Variants in CDYL2 observed in about 807,000 individuals in gnomAD.
The protein encoded by CDYL2 is chromodomain Y-like protein 2.
A neutral mutation model predicts 49.4 loss-of-function variants in CDYL2; 23 were observed. The observed-to-expected ratio is 0.47, with a 90% CI of 0.34 to 0.66. The LOEUF is 0.66. CDYL2 is among the 30% of genes least tolerant of loss of function. The probability of loss-of-function intolerance (pLI) is 0.01; values close to 1 mark genes in which losing one functional copy is unlikely to be tolerated. For missense variants in CDYL2, 678 were observed against 656.4 expected, an observed-to-expected ratio of 1.03 and a Z score of -0.36; for synonymous variants, 360 against 268.8, an observed-to-expected ratio of 1.34 and a Z score of -3.32.
chr16:80,657,106 AACTTGTAG>A (rs1190838702), intron 2 of CDYL2, among the ~76,000 whole-genome samples: 2 of 152,208 alleles, frequency 1.3e-5, no homozygotes, highest in African/African-American at 4.8e-5. Flanking sequence ...AAAATACCAA[AACTTGTAG>A]ACAGCTCACG....
chr16:80,685,362 A>G (rs749089441), intron 1 of CDYL2, among the ~76,000 whole-genome samples: 1 of 152,162 alleles, frequency 6.6e-6, no homozygotes, highest in Non-Finnish European at 1.5e-5. Flanking sequence ...ATTTCCCATG[A>G]TGACGCTAGA....
At chr16:80,691,383 C>T (rs1910408424) in intron 1 of CDYL2, among the ~76,000 whole-genome samples, 1 of 152,188 alleles carries the variant, frequency 6.6e-6, no homozygotes, top group African/African-American at 2.4e-5. Flanking sequence ...CCAGAGAAGG[C>T]AGTAGGTTTT....
At chr16:80,730,672 C>T (rs57512477) in intron 1 of CDYL2, among the ~76,000 whole-genome samples, 63,865 of 151,960 alleles carry the variant, frequency 0.42, 16,122 homozygotes, top group Middle Eastern at 0.6. Flanking sequence ...TAGACCAATA[C>T]CCTTGATGAA....
At chr16:80,691,450 G>A (rs964934057) in intron 1 of CDYL2, among the ~76,000 whole-genome samples, 1 of 152,150 alleles carries the variant, frequency 6.6e-6, no homozygotes, top group Non-Finnish European at 1.5e-5. Flanking sequence ...CAAGAAGTTT[G>A]GCTCAGAGCC....
chr16:80,639,276 T>C (rs1435576540), intron 2 of CDYL2, among the ~76,000 whole-genome samples: 1 of 152,212 alleles, frequency 6.6e-6, no homozygotes, highest in East Asian at 1.9e-4. Flanking sequence ...CACAGCTACT[T>C]TGTAAGACAG....
chr16:80,777,358 G>A (rs1479809142), intron 1 of CDYL2, among the ~76,000 whole-genome samples: 1 of 151,604 alleles, frequency 6.6e-6, no homozygotes, highest in Non-Finnish European at 1.5e-5. Flanking sequence ...ACAGATGAAG[G>A]AATGAATGAT....
intron 1 of CDYL2, among the ~76,000 whole-genome samples, chr16:80,765,057 CAA>C (rs933163217): frequency 8.4e-5 from 4 of 47,822 alleles, no homozygotes; most frequent in Non-Finnish European, 1.8e-4. Context: ...GATTCCGTCT[CAA>C]AAAAAAAAAA....
In CDYL2 at chr16:80,684,690, C is replaced by A; in HGVS notation, c.464G>T (p.Gly155Val). ...AGAGCCGGCGTCCCCATTTTCCATC[C>A]CGTTCTGAGACTTTTTCAGGGGCAT... ...QIMPLKKSQNGMENGDAGSEK... is the reference protein window; with the variant it reads ...QIMPLKKSQNVMENGDAGSEK... The change falls in exon 2 of 7, where the codon GGG (glycine) becomes GTG (valine). Residue 155 changes from glycine to valine, a missense_variant. Coordinates refer to ENST00000570137, the MANE Select transcript of CDYL2 (RefSeq NM_152342.4). 1 of 1,614,198 alleles carries A rather than the reference C, an allele frequency of 6.2e-7. No individual in the cohort carries two copies. Among genetic ancestry groups the A allele is most frequent in the South Asian group, 1.1e-5 (1 of 91,080 alleles).
At chr16:80,800,558 A>G (rs934162494) in intron 1 of CDYL2, among the ~76,000 whole-genome samples, 8 of 152,076 alleles carry the variant, frequency 5.3e-5, no homozygotes, top group African/African-American at 1.7e-4. Flanking sequence ...TCAACCAACC[A>G]CAAACCGAAA....
chr16:80,684,449 G>T, intron 2 of CDYL2, 89 bp downstream of exon 2: 1 of 1,194,988 alleles, frequency 8.4e-7, no homozygotes, highest in Non-Finnish European at 1.2e-6. Flanking sequence ...GGATGGAGGT[G>T]GGGGTCTTAT....
At chr16:80,608,366 T>G in intron 5 of CDYL2, 131 bp from the exon 6 acceptor site, 1 of 1,010,708 alleles carries the variant, frequency 9.9e-7, no homozygotes, top group Non-Finnish European at 1.4e-6. Context: ...CTTATCTTAT[T>G]TTGGGGTCAG....
At chr16:80,804,620 G>C (rs1296856694), upstream of CDYL2, among the ~76,000 whole-genome samples, 1 of 145,524 alleles carries the variant, frequency 6.9e-6, no homozygotes, top group African/African-American at 2.5e-5. Flanking sequence ...CGCCCCCCGG[G>C]AGCCCGGCCC....
chr16:80,760,730 T>A (rs1248171787), intron 1 of CDYL2, among the ~76,000 whole-genome samples: 1 of 151,844 alleles, frequency 6.6e-6, no homozygotes, highest in Non-Finnish European at 1.5e-5. Context: ...AAAAATCTTA[T>A]AAGCCAAACA....
chr16:80,700,555 T>C (rs908225518), intron 1 of CDYL2, among the ~76,000 whole-genome samples: 1 of 152,148 alleles, frequency 6.6e-6, no homozygotes, highest in African/African-American at 2.4e-5. Context: ...ATCAACATAT[T>C]AGAAAGAGGG....
chr16:80,690,136 AT>A (rs942973107), intron 1 of CDYL2, among the ~76,000 whole-genome samples: 1 of 150,090 alleles, frequency 6.7e-6, no homozygotes, highest in Non-Finnish European at 1.5e-5. Flanking sequence ...TAAAAAAAAA[AT>A]AAAAAAATAA....
At chr16:80,739,638 T>A (rs554631285) in intron 1 of CDYL2, among the ~76,000 whole-genome samples, 30 of 152,238 alleles carry the variant, frequency 2.0e-4, no homozygotes, top group Admixed American at 1.4e-3. Flanking sequence ...AGGAGTGTGC[T>A]GGCATCCTGC....
intron 1 of CDYL2, among the ~76,000 whole-genome samples, chr16:80,686,671 A>C (rs1384191574): frequency 6.6e-6 from 1 of 152,206 alleles, no homozygotes; most frequent in Admixed American, 6.5e-5. Flanking sequence ...AAGTGAAAAA[A>C]CTTTGAAAAG....
At chr16:80,616,469 A>C (rs1468698970) in intron 4 of CDYL2, among the ~76,000 whole-genome samples, 3 of 152,186 alleles carry the variant, frequency 2.0e-5, no homozygotes, top group African/African-American at 7.2e-5. Flanking sequence ...AATTCTGCTC[A>C]CAGGAGTGCC....
chr16:80,635,351 T>C (rs1055145850), intron 2 of CDYL2, among the ~76,000 whole-genome samples: 1 of 152,162 alleles, frequency 6.6e-6, no homozygotes, highest in Non-Finnish European at 1.5e-5. Context: ...CTTAAGCTCA[T>C]AAACAACTTC....
Sources: allele counts gnomAD v4.1 joint callset (sites outside exome capture counted in the v4.1 genomes callset), GRCh38; gene constraint gnomAD v4.1.1; transcripts MANE v1.5; gene names NCBI Gene and HGNC (gene_info 2026-07-23, HGNC 2026-07-21).